Variants in KCNJ6 observed in about 807,000 individuals in gnomAD.
KCNJ6 encodes potassium inwardly rectifying channel subfamily J member 6, also known as G protein-activated inward rectifier potassium channel 2.
A neutral mutation model predicts 34.2 loss-of-function variants in KCNJ6; 9 were observed. The ratio of observed to expected loss-of-function variants is 0.26; its 90% CI spans 0.16 to 0.46. The LOEUF is 0.46. Among genes scored for constraint, KCNJ6 ranks in the 20% least tolerant of loss-of-function variants. The pLI, the probability that KCNJ6 is intolerant of heterozygous loss-of-function variation, is 1.00. For synonymous variants in KCNJ6, 196 were observed against 207.1 expected (o/e 0.95, Z 0.46); for missense variants, 236 against 531.3 (o/e 0.44, Z 5.46).
intron 2 of KCNJ6, among the ~76,000 whole-genome samples, chr21:37,802,553 T>C (rs9980245): frequency 0.49 from 75,042 of 151,892 alleles, 18,984 homozygotes; most frequent in Middle Eastern, 0.55. Flanking sequence ...AAGAATCAGG[T>C]CAGGAGCCAC....
At chr21:37,913,691 G>A (rs1369813716) in intron 1 of KCNJ6, among the ~76,000 whole-genome samples, 1 of 152,118 alleles carries the variant, frequency 6.6e-6, no homozygotes, top group Non-Finnish European at 1.5e-5. Flanking sequence ...TGTGGTGTGC[G>A]CCTGTAATCC....
chr21:37,796,779 C>CTTTCTTTTTTTTT (rs1299616786), intron 2 of KCNJ6, among the ~76,000 whole-genome samples: 2 of 71,490 alleles, frequency 2.8e-5, no homozygotes, highest in African/African-American at 1.3e-4. Context: ...TTCTTTCTTT[C>CTTTCTTTTTTTTT]TTTTTTTTTT....
At chr21:37,712,814 AC>A (rs1301974168) in intron 3 of KCNJ6, among the ~76,000 whole-genome samples, 1 of 126,508 alleles carries the variant, frequency 7.9e-6, no homozygotes, top group East Asian at 2.3e-4. Context: ...CCTCCTCCCC[AC>A]CCAACTATTG....
intron 2 of KCNJ6, among the ~76,000 whole-genome samples, chr21:37,834,372 T>A (rs1280640007): frequency 6.6e-6 from 1 of 152,194 alleles, no homozygotes; most frequent in Admixed American, 6.5e-5. Context: ...ACCCTGATCA[T>A]CCTTTGGGTG....
chr21:37,733,534 ATC>A (rs1026615021), intron 2 of KCNJ6, among the ~76,000 whole-genome samples: 18 of 152,234 alleles, frequency 1.2e-4, no homozygotes, highest in African/African-American at 4.3e-4. Context: ...GCATCTCAGC[ATC>A]TTTCTTCTAG....
chr21:37,809,119 C>A (rs1203285359), intron 2 of KCNJ6, among the ~76,000 whole-genome samples: 1 of 152,200 alleles, frequency 6.6e-6, no homozygotes, highest in African/African-American at 2.4e-5. Context: ...AGGCTTGGAA[C>A]CAACCCAAAT....
At chr21:37,644,948 A>C (rs1047891493) in intron 3 of KCNJ6, among the ~76,000 whole-genome samples, 1 of 142,514 alleles carries the variant, frequency 7.0e-6, no homozygotes, top group Non-Finnish European at 1.5e-5. Flanking sequence ...TGCCCTTCTC[A>C]TGGGGAGGAG....
At chr21:37,858,617 GAA>G (rs1188246501) in intron 1 of KCNJ6, among the ~76,000 whole-genome samples, 1 of 152,008 alleles carries the variant, frequency 6.6e-6, no homozygotes, top group African/African-American at 2.4e-5. Context: ...CTTCTCTCTA[GAA>G]ACATTCAACA....
chr21:37,664,850 G>T (rs1465056838), intron 3 of KCNJ6, among the ~76,000 whole-genome samples: 3 of 140,046 alleles, frequency 2.1e-5, no homozygotes, highest in African/African-American at 8.2e-5. Flanking sequence ...AGGCTGAAGT[G>T]CAGTGGCGCA....
At chr21:37,761,330 T>C (rs2055061450) in intron 2 of KCNJ6, among the ~76,000 whole-genome samples, 1 of 246 alleles carries the variant, frequency 4.1e-3, no homozygotes, top group Non-Finnish European at 7.5e-3. Context: ...TTGTGTGTAT[T>C]AGTGTGTGTA....
chr21:37,752,692 C>T (rs2123484541), intron 2 of KCNJ6, among the ~76,000 whole-genome samples: 1 of 152,200 alleles, frequency 6.6e-6, no homozygotes, highest in South Asian at 2.1e-4. Flanking sequence ...GCTAGGCGGC[C>T]CCAGACACAT....
Position 37,614,750 on chromosome 21 carries a change from ATGTG to A in KCNJ6, c.*10405_*10408del, listed in dbSNP as rs143621448. 3.4e-5 allele frequency: 4 copies of A among 118,716 alleles called. No homozygotes were observed. Among genetic ancestry groups the A allele is most frequent in the African/African-American group, 1.3e-4 (4 of 31,384 alleles). 7.4% of individuals were successfully genotyped at this position (118,716 alleles called of 1,614,324 possible). On this transcript the variant is annotated 3_prime_UTR_variant, in exon 4 of 4. Transcript: ENST00000609713. ...TGTGTGTGTATGCGCATGTCTCTGT[ATGTG>A]TGTGTATGCATGTGTCTGTGTGTAT...
At chr21:37,798,546 A>G (rs1287751619) in intron 2 of KCNJ6, among the ~76,000 whole-genome samples, 1 of 152,250 alleles carries the variant, frequency 6.6e-6, no homozygotes, top group Non-Finnish European at 1.5e-5. Context: ...CGATCAGTGG[A>G]TAAACAAAAT....
At chr21:37,815,686 A>T (rs2123547693) in intron 2 of KCNJ6, among the ~76,000 whole-genome samples, 1 of 152,330 alleles carries the variant, frequency 6.6e-6, no homozygotes, top group African/African-American at 2.4e-5. Context: ...CTGGTGGAGC[A>T]GAAAGAACCC....
chr21:37,906,297 C>T (rs1224478043), intron 1 of KCNJ6, among the ~76,000 whole-genome samples: 2 of 152,196 alleles, frequency 1.3e-5, no homozygotes, highest in Non-Finnish European at 2.9e-5. Context: ...AAATCTGCCT[C>T]TGCAGTGGGC....
Position 37,617,622 on chromosome 21 carries a change from C to T in KCNJ6, c.*7537G>A, listed in dbSNP as rs944846442. 1 of 152,204 alleles carries T rather than the reference C, an allele frequency of 6.6e-6. No individual in the cohort carries two copies. Among genetic ancestry groups the T allele is most frequent in the African/African-American group, 2.4e-5 (1 of 41,436 alleles). 9.4% of individuals were successfully genotyped at this position (152,204 alleles called of 1,614,324 possible). A position where few individuals can be genotyped will look rare whatever the true frequency, so the allele number is the denominator to read the frequency against. ...AAAAAGAGGGACCAGGTCAGACTAT[C>T]TGGAGAGAGTTCTGCCATTGGCCCG... On this transcript the variant is annotated 3_prime_UTR_variant, in exon 4 of 4. Coordinates refer to ENST00000609713, the MANE Select transcript of KCNJ6 (RefSeq NM_002240.5).
intron 2 of KCNJ6, among the ~76,000 whole-genome samples, chr21:37,761,776 G>T (rs1047521619): frequency 6.6e-6 from 1 of 151,828 alleles, no homozygotes; most frequent in African/African-American, 2.4e-5. Context: ...TGTATGTAGT[G>T]TGTGTGTGGT....
chr21:37,801,223 C>T (rs1021380410), intron 2 of KCNJ6, among the ~76,000 whole-genome samples: 2 of 152,090 alleles, frequency 1.3e-5, no homozygotes, highest in Non-Finnish European at 2.9e-5. Context: ...CAAACAGCCC[C>T]GATTTTTGGC....
chr21:37,778,455 G>T (rs890960873), intron 2 of KCNJ6, among the ~76,000 whole-genome samples: 10 of 150,862 alleles, frequency 6.6e-5, no homozygotes, highest in African/African-American at 2.4e-4. Flanking sequence ...ACTTTTTTTT[G>T]TATTTTTCCA....
Sources: allele counts gnomAD v4.1 joint callset (sites outside exome capture counted in the v4.1 genomes callset), GRCh38; gene constraint gnomAD v4.1.1; transcripts MANE v1.5; gene names NCBI Gene and HGNC (gene_info 2026-07-23, HGNC 2026-07-21).